Variants in SRPK2 observed in about 807,000 individuals in gnomAD.
SRPK2 encodes the protein SRSF protein kinase 2.
Under a neutral mutation model 90.8 loss-of-function variants are expected in SRPK2, and 21 were observed. The ratio of observed to expected loss-of-function variants is 0.23; its 90% CI spans 0.16 to 0.33. The LOEUF (loss-of-function observed/expected upper bound fraction) is 0.33. SRPK2 is among the 10% of genes least tolerant of loss of function. The probability of loss-of-function intolerance (pLI) is 1.00; values close to 1 mark genes in which losing one functional copy is unlikely to be tolerated. For synonymous variants in SRPK2, 288 were observed against 311.1 expected, an observed-to-expected ratio of 0.93 and a Z score of 0.78; for missense variants, 620 against 869.0, an observed-to-expected ratio of 0.71 and a Z score of 3.60.
At chr7:105,168,864 C>T (rs1234917094) in intron 4 of SRPK2, among the ~76,000 whole-genome samples, 1 of 150,752 alleles carries the variant, frequency 6.6e-6, no homozygotes, top group South Asian at 2.1e-4. Flanking sequence ...CTATACTATA[C>T]ATTATGTTTG....
chr7:105,267,414 C>A (rs936539949), intron 2 of SRPK2, among the ~76,000 whole-genome samples: 1 of 152,190 alleles, frequency 6.6e-6, no homozygotes, highest in African/African-American at 2.4e-5. Context: ...ACTATGCACA[C>A]CACCCTCTTC....
At chr7:105,168,745 A>ATGTGTG (rs58073613) in intron 4 of SRPK2, among the ~76,000 whole-genome samples, 3,940 of 104,016 alleles carry the variant, frequency 0.038, 141 homozygotes, top group Middle Eastern at 0.056. Context: ...CACGCACCAA[A>ATGTGTG]TGTGTGTGTG....
Position 105,388,867 on chromosome 7 carries a change from C to A in SRPK2, c.-61G>T. On this transcript the variant is annotated 5_prime_UTR_variant, in exon 1 of 16. Transcript: ENST00000393651. ...ACGGCGACGCGGGCGCCGAGACGAG[C>A]TGGGCTGCAGCCTCCACTCGCTCCG... is the stretch of plus-strand genomic sequence containing the variant. The A allele has an allele frequency of 7.7e-7, 1 of 1,306,432 alleles. No individual in the cohort carries two copies. 80.9% of individuals were successfully genotyped at this position (1,306,432 alleles called of 1,614,324 possible).
intron 15 of SRPK2, among the ~76,000 whole-genome samples, chr7:105,124,640 T>TTAAAAAAAAA (rs71519197): frequency 1.3e-4 from 7 of 52,924 alleles, no homozygotes; most frequent in African/African-American, 2.5e-4. Flanking sequence ...AAACTCCATC[T>TTAAAAAAAAA]AAAAAAAAAA....
chr7:105,226,318 C>T lies in SRPK2; in HGVS notation c.72-22533G>A, dbSNP rs117338742. Among the ~76,000 whole-genome samples the T allele has an allele frequency of 2.4e-4, 36 of 151,968 alleles. 1 individual carries two copies. In the East Asian group the frequency reaches 5.8e-3, roughly 24 times the overall value. The stretch of plus-strand genomic sequence containing the variant: ...TAATTTTTTTTTTAACAGAGTCTCA[C>T]TCACTCTATCACCTAGGTTGGAGTG... On this transcript the variant is annotated intron_variant, in intron 2 of 15. Coordinates refer to ENST00000393651, the MANE Select transcript of SRPK2 (RefSeq NM_182692.3).
At chr7:105,306,054 A>C (rs992882206) in intron 2 of SRPK2, among the ~76,000 whole-genome samples, 4 of 152,202 alleles carry the variant, frequency 2.6e-5, no homozygotes, top group African/African-American at 9.6e-5. Flanking sequence ...CTACACTAAA[A>C]GTGGGATATT....
At chr7:105,394,863 A>G (rs1173703475) in intron 1 of SRPK2, among the ~76,000 whole-genome samples, 1 of 152,226 alleles carries the variant, frequency 6.6e-6, no homozygotes, top group Non-Finnish European at 1.5e-5. Context: ...GATGGTGATC[A>G]TTTTTATTTA....
chr7:105,227,625 G>T (rs1478926639), intron 2 of SRPK2, among the ~76,000 whole-genome samples: 2 of 151,948 alleles, frequency 1.3e-5, no homozygotes, highest in African/African-American at 4.8e-5. Flanking sequence ...TACACTGCAG[G>T]TAGGAATGTA....
intron 2 of SRPK2, among the ~76,000 whole-genome samples, chr7:105,315,919 T>C (rs1366188290): frequency 6.6e-6 from 1 of 152,210 alleles, no homozygotes; most frequent in Non-Finnish European, 1.5e-5. Flanking sequence ...GTATTGGTCA[T>C]TAAAAATTTT....
chr7:105,142,532 C>A (rs1481432081), intron 10 of SRPK2, 42 bp from the exon 11 acceptor site: 13 of 1,552,362 alleles, frequency 8.4e-6, no homozygotes, highest in Middle Eastern at 1.7e-4. Context: ...TTGTTACTCT[C>A]CTTAATACAG....
At chr7:105,222,096 T>C (rs1278200089) in intron 2 of SRPK2, among the ~76,000 whole-genome samples, 1 of 152,228 alleles carries the variant, frequency 6.6e-6, no homozygotes, top group Non-Finnish European at 1.5e-5. Context: ...AGATTGTATA[T>C]ACTGTGAAAA....
intron 2 of SRPK2, among the ~76,000 whole-genome samples, chr7:105,232,429 A>G (rs1356655081): frequency 2.0e-5 from 3 of 148,604 alleles, no homozygotes; most frequent in Admixed American, 1.4e-4. Flanking sequence ...ATTGCACTCC[A>G]GCCTGGGCAA....
At chr7:105,229,177 C>G (rs1447164988) in intron 2 of SRPK2, among the ~76,000 whole-genome samples, 1 of 152,078 alleles carries the variant, frequency 6.6e-6, no homozygotes, top group Non-Finnish European at 1.5e-5. Flanking sequence ...AAACGACCAT[C>G]CTTTGGCCGA....
chr7:105,203,521 C>A (rs1795819746), intron 3 of SRPK2, 107 bp downstream of exon 3: 1 of 1,274,946 alleles, frequency 7.8e-7, no homozygotes. Context: ...TTAATGAAGA[C>A]CAAGCAATTT....
upstream of SRPK2, chr7:105,389,042 C>G (rs1171779957): frequency 1.0e-6 from 1 of 970,664 alleles, no homozygotes; most frequent in Non-Finnish European, 1.2e-6. Flanking sequence ...GCCGCGCGCC[C>G]AGCGCCCCGC....
chr7:105,286,697 C>T (rs1808152268), intron 2 of SRPK2, among the ~76,000 whole-genome samples: 1 of 152,218 alleles, frequency 6.6e-6, no homozygotes, highest in African/African-American at 2.4e-5. Flanking sequence ...CACTCCCTAA[C>T]TAAAATGACA....
chr7:105,279,201 C>T (rs1036806865), intron 2 of SRPK2, among the ~76,000 whole-genome samples: 2 of 125,604 alleles, frequency 1.6e-5, no homozygotes, highest in South Asian at 2.8e-4. Context: ...TGCCAGAGGG[C>T]GGGCGGCGGG....
Position 105,149,552 on chromosome 7 carries a change from T to G in SRPK2, c.622-2894A>C, listed in dbSNP as rs138216846. Among the ~76,000 whole-genome samples, 9 of 152,326 alleles carry G rather than the reference T, an allele frequency of 5.9e-5. No homozygotes were observed. The South Asian group carries it at 1.9e-3, about 32-fold the overall frequency. Reference sequence around the variant, plus strand: ...CTTGGTATGCTGGGCGCCAGTCCCCTGGGCCCACTGTTGTTTCTCTATACT... The same window carrying G: ...CTTGGTATGCTGGGCGCCAGTCCCCGGGGCCCACTGTTGTTTCTCTATACT... On this transcript the variant is annotated intron_variant, in intron 7 of 15. Transcript: ENST00000393651.
intron 2 of SRPK2, among the ~76,000 whole-genome samples, chr7:105,354,502 CA>C (rs1444800660): frequency 2.6e-5 from 4 of 152,140 alleles, no homozygotes; most frequent in African/African-American, 9.7e-5. Flanking sequence ...CATTACGATC[CA>C]AAGCACAAGC....
Sources: gnomAD v4.1 joint callset for allele counts (sites outside exome capture counted in the v4.1 genomes callset) on GRCh38, gnomAD v4.1.1 for gene constraint, MANE v1.5 for transcripts, NCBI Gene and HGNC (gene_info 2026-07-23, HGNC 2026-07-21) for gene names.